Variants in CBFA2T2 observed in about 807,000 individuals in gnomAD.
CBFA2T2 encodes the protein protein CBFA2T2.
Under a neutral mutation model 62.2 loss-of-function variants are expected in CBFA2T2, and 11 were observed. The observed-to-expected ratio is 0.18, with a 90% CI of 0.11 to 0.29. CBFA2T2 has a LOEUF of 0.29. Among genes scored for constraint, CBFA2T2 ranks in the 10% least tolerant of loss-of-function variants. The pLI, the probability that CBFA2T2 is intolerant of heterozygous loss-of-function variation, is 1.00. For missense variants in CBFA2T2, 592 were observed against 774.1 expected (o/e 0.76, Z 2.79); for synonymous variants, 295 against 287.5 (o/e 1.03, Z -0.27).
At chr20:33,509,322 G>T (rs1217007131) in intron 1 of CBFA2T2, among the ~76,000 whole-genome samples, 1 of 151,760 alleles carries the variant, frequency 6.6e-6, no homozygotes, top group African/African-American at 2.4e-5. Flanking sequence ...AGTCAAGATT[G>T]CACCACTGCA....
At chr20:33,581,636 A>G (rs988453497) in intron 1 of CBFA2T2, among the ~76,000 whole-genome samples, 1 of 152,212 alleles carries the variant, frequency 6.6e-6, no homozygotes, top group East Asian at 1.9e-4. Context: ...TCATGTCATT[A>G]TAAGGGTTTC....
At chr20:33,581,379 A>T (rs1308794909) in intron 1 of CBFA2T2, among the ~76,000 whole-genome samples, 1 of 152,016 alleles carries the variant, frequency 6.6e-6, no homozygotes, top group Admixed American at 6.6e-5. Context: ...TTCTTTGTTA[A>T]CCTAATTTCT....
At chr20:33,494,275 T>TATATA (rs2011176321) in intron 1 of CBFA2T2, among the ~76,000 whole-genome samples, 2 of 40,606 alleles carry the variant, frequency 4.9e-5, no homozygotes, top group South Asian at 8.5e-4. Context: ...ATATATATAT[T>TATATA]TTTTTTTTTT....
chr20:33,548,365 T>C (rs923467692), intron 1 of CBFA2T2, among the ~76,000 whole-genome samples: 1 of 151,852 alleles, frequency 6.6e-6, no homozygotes, highest in African/African-American at 2.4e-5. Flanking sequence ...TCCCTCAGCC[T>C]CCCAGGTAGC....
At chr20:33,640,597 T>C in intron 10 of CBFA2T2, 66 bp downstream of exon 10, 2 of 1,456,590 alleles carry the variant, frequency 1.4e-6, no homozygotes, top group Non-Finnish European at 1.9e-6. Context: ...TGCCTTCCTC[T>C]CATACGCTGG....
At chr20:33,592,991 C>T (rs1366471255) in intron 1 of CBFA2T2, among the ~76,000 whole-genome samples, 1 of 152,122 alleles carries the variant, frequency 6.6e-6, no homozygotes, top group Non-Finnish European at 1.5e-5. Flanking sequence ...CTATATTTAT[C>T]TAGATCCATC....
intron 1 of CBFA2T2, among the ~76,000 whole-genome samples, chr20:33,531,522 T>C (rs2012062876): frequency 6.6e-6 from 1 of 152,244 alleles, no homozygotes; most frequent in Non-Finnish European, 1.5e-5. Flanking sequence ...ACTTTCATTC[T>C]GGAATCCTTA....
intron 1 of CBFA2T2, among the ~76,000 whole-genome samples, chr20:33,536,614 C>T (rs1333814865): frequency 1.3e-5 from 2 of 149,880 alleles, no homozygotes; most frequent in African/African-American, 4.9e-5. Flanking sequence ...CCTCACTTCT[C>T]AGACGGGGCG....
chr20:33,500,312 T>G (rs566325765), intron 1 of CBFA2T2, among the ~76,000 whole-genome samples: 2 of 151,556 alleles, frequency 1.3e-5, no homozygotes, highest in Admixed American at 1.3e-4. Flanking sequence ...AGACTAGGGG[T>G]TTTTAGACAT....
rs1731058144 is a variant in CBFA2T2, at chr20:33,647,643, T to C, written c.*2997T>C. 1 of 152,198 alleles carries C rather than the reference T, an allele frequency of 6.6e-6. No individual in the cohort carries two copies. The highest frequency in any genetic ancestry group is 1.5e-5 in the Non-Finnish European group (1 of 68,020). The allele number at this position is 152,198 out of a possible 1,614,324, so 9.4% of individuals were successfully genotyped here. A position where few individuals can be genotyped will look rare whatever the true frequency, so the allele number is the denominator to read the frequency against. ...AACTAGCCAGGGTAGCTCATGCTTTTACTGGTTGGAATAAGGAGCCAAAAC... is the reference window on the plus strand; with the variant it reads ...AACTAGCCAGGGTAGCTCATGCTTTCACTGGTTGGAATAAGGAGCCAAAAC... On this transcript the variant is annotated 3_prime_UTR_variant, in exon 11 of 11. Transcript: ENST00000342704.
intron 1 of CBFA2T2, among the ~76,000 whole-genome samples, chr20:33,599,651 T>C (rs2015037366): frequency 6.6e-6 from 1 of 151,802 alleles, no homozygotes; most frequent in Non-Finnish European, 1.5e-5. Context: ...ATGAATGGCA[T>C]GATCTTGGCT....
At chr20:33,533,861 G>A (rs1244454313) in intron 1 of CBFA2T2, among the ~76,000 whole-genome samples, 1 of 152,086 alleles carries the variant, frequency 6.6e-6, no homozygotes, top group African/African-American at 2.4e-5. Flanking sequence ...TGTAATTCCA[G>A]CTACTCAGGA....
intron 3 of CBFA2T2, among the ~76,000 whole-genome samples, chr20:33,612,718 T>C (rs998163329): frequency 7.2e-5 from 11 of 152,254 alleles, no homozygotes; most frequent in African/African-American, 2.4e-4. Flanking sequence ...TAATTTCTGA[T>C]ATAGTAATGT....
chr20:33,557,832 C>CT lies in CBFA2T2; in HGVS notation c.35-49111dup, dbSNP rs60733174. 7.2e-3 allele frequency among the ~76,000 whole-genome samples: 1,047 copies of CT among 145,216 alleles called. 11 individuals carry two copies. The highest frequency in any genetic ancestry group is 0.02 in the African/African-American group (816 of 39,888). On this transcript the variant is annotated intron_variant, in intron 1 of 10. Transcript: ENST00000342704. ...ACATTTAGGTCTTTTATTTCTCTCTCTTTTTTTTTTTTTCTGTTTTGAGAC... is the reference window on the plus strand; with the variant it reads ...ACATTTAGGTCTTTTATTTCTCTCTCTTTTTTTTTTTTTTCTGTTTTGAGAC...
chr20:33,528,240 A>G (rs1026716891), intron 1 of CBFA2T2, among the ~76,000 whole-genome samples: 2 of 152,238 alleles, frequency 1.3e-5, no homozygotes, highest in Admixed American at 6.5e-5. Flanking sequence ...GTATAAGACA[A>G]GTTTCCCATG....
intron 1 of CBFA2T2, among the ~76,000 whole-genome samples, chr20:33,531,200 T>C (rs117466481): frequency 0.019 from 2,923 of 152,288 alleles, 210 homozygotes; most frequent in Admixed American, 0.14. Context: ...CAGTGTGCAG[T>C]GCTCAGGAAA....
intron 10 of CBFA2T2, among the ~76,000 whole-genome samples, chr20:33,643,756 T>C (rs1304972252): frequency 0.011 from 3 of 266 alleles, no homozygotes; most frequent in Admixed American, 0.036. Context: ...ATCTCTACTA[T>C]ATATATATAT....
chr20:33,490,347 C>T (rs1449804897), intron 1 of CBFA2T2, 46 bp downstream of exon 1: 2 of 1,261,694 alleles, frequency 1.6e-6, no homozygotes, highest in South Asian at 3.4e-5. Flanking sequence ...CGTGTGAGGG[C>T]CTGCGGCTCC....
intron 1 of CBFA2T2, among the ~76,000 whole-genome samples, chr20:33,570,620 C>T (rs549535056): frequency 7.9e-5 from 12 of 152,250 alleles, no homozygotes; most frequent in African/African-American, 2.4e-4. Flanking sequence ...TAGATATTGT[C>T]GTCTTGAGGT....
Sources: allele counts gnomAD v4.1 joint callset (sites outside exome capture counted in the v4.1 genomes callset), GRCh38; gene constraint gnomAD v4.1.1; transcripts MANE v1.5; gene names NCBI Gene and HGNC (gene_info 2026-07-23, HGNC 2026-07-21).